Variants in TMCO5A observed in about 807,000 individuals in gnomAD.
TMCO5A encodes the protein transmembrane and coiled-coil domains 5A, also known as transmembrane and coiled-coil domain-containing protein 5A.
In TMCO5A, 34 loss-of-function variants were observed where a neutral mutation model predicts 42.3. That is an observed-to-expected ratio of 0.80 (90% CI 0.61 to 1.07). The LOEUF (loss-of-function observed/expected upper bound fraction) is 1.07, where lower values mean the gene tolerates loss of function less well. Ranked by LOEUF, TMCO5A falls within the 50% of genes least tolerant of loss-of-function variation. The pLI, the probability that TMCO5A is intolerant of heterozygous loss-of-function variation, is 0.00. For synonymous variants in TMCO5A, 131 were observed against 115.6 expected, an observed-to-expected ratio of 1.13 and a Z score of -0.86; for missense variants, 357 against 327.9, an observed-to-expected ratio of 1.09 and a Z score of -0.69.
the TMCO5A span, among the ~76,000 whole-genome samples, chr15:38,032,836 C>A: frequency 3.3e-5 from 5 of 151,844 alleles, no homozygotes; most frequent in Non-Finnish European, 7.4e-5. Flanking sequence ...TTTTTCTTTT[C>A]TCTCTCTGAG....
chr15:38,025,736 C>T, the TMCO5A span, among the ~76,000 whole-genome samples: 1 of 152,146 alleles, frequency 6.6e-6, no homozygotes, highest in Non-Finnish European at 1.5e-5. Context: ...ATAATTTCCA[C>T]ATGTCCCCAT....
intron 10 of TMCO5A, among the ~76,000 whole-genome samples, chr15:37,945,522 A>G (rs1235423598): frequency 6.6e-6 from 1 of 152,016 alleles, no homozygotes. Flanking sequence ...TTTCTCTGCA[A>G]CCTCACCAGC....
the TMCO5A span, among the ~76,000 whole-genome samples, chr15:37,992,384 A>T: frequency 1.3e-5 from 2 of 152,184 alleles, no homozygotes; most frequent in African/African-American, 4.8e-5. Flanking sequence ...ACAGGAACTT[A>T]TACACTGTTG....
chr15:37,972,411 C>T (rs533930672), downstream of TMCO5A, among the ~76,000 whole-genome samples: 9 of 152,232 alleles, frequency 5.9e-5, no homozygotes, highest in East Asian at 3.9e-4. Context: ...ACAATGTATA[C>T]GCATTTTCTT....
At chr15:38,014,625 G>T in the TMCO5A span, among the ~76,000 whole-genome samples, 8 of 151,918 alleles carry the variant, frequency 5.3e-5, no homozygotes, top group Admixed American at 5.2e-4. Flanking sequence ...CATTCAGTGC[G>T]TGTGTGCACA....
chr15:38,025,589 G>T, the TMCO5A span, among the ~76,000 whole-genome samples: 1 of 152,084 alleles, frequency 6.6e-6, no homozygotes, highest in Non-Finnish European at 1.5e-5. Flanking sequence ...TTTAAAATCA[G>T]ATAAAATACA....
the TMCO5A span, among the ~76,000 whole-genome samples, chr15:38,021,032 A>C: frequency 0.015 from 2,232 of 152,256 alleles, 57 homozygotes; most frequent in African/African-American, 0.051. Flanking sequence ...ACAAATTTGC[A>C]TTCCGGGTAT....
chr15:38,027,534 G>A, the TMCO5A span, among the ~76,000 whole-genome samples: 1 of 152,106 alleles, frequency 6.6e-6, no homozygotes, highest in East Asian at 1.9e-4. Context: ...ATGAGACTTT[G>A]GACTGTGGGC....
chr15:37,970,739 A>G (rs911281423), downstream of TMCO5A, among the ~76,000 whole-genome samples: 12 of 152,208 alleles, frequency 7.9e-5, no homozygotes, highest in African/African-American at 2.9e-4. Flanking sequence ...ACCAAAACAA[A>G]GGGGCTACAG....
downstream of TMCO5A, among the ~76,000 whole-genome samples, chr15:37,953,120 C>T (rs1209362764): frequency 1.3e-5 from 2 of 152,186 alleles, no homozygotes; most frequent in African/African-American, 2.4e-5. Context: ...TCTGGACATG[C>T]ACAGGGCCAG....
chr15:38,021,812 CTTT>C, the TMCO5A span, among the ~76,000 whole-genome samples: 3 of 136,258 alleles, frequency 2.2e-5, no homozygotes, highest in Non-Finnish European at 1.6e-5. Context: ...TCGACAGTTT[CTTT>C]TTTTTTTTTT....
the TMCO5A span, among the ~76,000 whole-genome samples, chr15:38,006,681 T>A: frequency 6.6e-6 from 1 of 152,140 alleles, no homozygotes; most frequent in African/African-American, 2.4e-5. Flanking sequence ...TAAAATAAAA[T>A]CCCTATGCAC....
Position 37,936,935 on chromosome 15 carries a change from G to A in TMCO5A, c.229G>A (p.Ala77Thr), listed in dbSNP as rs1409523329. Residue 77 changes from alanine (A) to threonine (T), a missense_variant, in exon 4 of 12, where the codon GCC becomes ACC. Transcript: ENST00000319669. ...ENRTTMERER[A>T]LQELEEETAR... ...CCGCACCACGATGGAAAGGGAAAGA[G>A]CCTTGCAGGAGCTGGAGGAAGAAAC... 4 of 1,612,614 alleles carry A rather than the reference G, an allele frequency of 2.5e-6. No individual in the cohort carries two copies. The highest frequency in any genetic ancestry group is 2.2e-5 in the South Asian group (2 of 91,052).
At chr15:38,036,526 A>T in the TMCO5A span, among the ~76,000 whole-genome samples, 4 of 145,046 alleles carry the variant, frequency 2.8e-5, no homozygotes, top group Non-Finnish European at 6.0e-5. Context: ...ACACACACAC[A>T]CTCTACACAC....
At chr15:38,017,928 G>A in the TMCO5A span, among the ~76,000 whole-genome samples, 2 of 152,096 alleles carry the variant, frequency 1.3e-5, no homozygotes, top group Non-Finnish European at 2.9e-5. Flanking sequence ...GAAAGCGTGT[G>A]GCACTTCCCC....
intron 11 of TMCO5A, among the ~76,000 whole-genome samples, chr15:37,960,702 G>T (rs1386511937): frequency 6.6e-6 from 1 of 151,670 alleles, no homozygotes; most frequent in Non-Finnish European, 1.5e-5. Flanking sequence ...ACTGGTTTTT[G>T]ATTTTTTGAT....
chr15:37,987,604 T>C, the TMCO5A span, among the ~76,000 whole-genome samples: 1 of 152,006 alleles, frequency 6.6e-6, no homozygotes, highest in Non-Finnish European at 1.5e-5. Context: ...TACCCAGGAC[T>C]GTATGGTGAA....
At chr15:38,021,037 G>T in the TMCO5A span, among the ~76,000 whole-genome samples, 1 of 152,012 alleles carries the variant, frequency 6.6e-6, no homozygotes, top group African/African-American at 2.4e-5. Context: ...TTTGCATTCC[G>T]GGTATTTAAA....
chr15:37,965,497 G>T (rs567824390), intron 11 of TMCO5A, among the ~76,000 whole-genome samples: 22 of 152,228 alleles, frequency 1.4e-4, no homozygotes, highest in Admixed American at 3.9e-4. Context: ...GAAAATATTT[G>T]CAAACTACTC....
Sources: gnomAD v4.1 joint callset for allele counts (sites outside exome capture counted in the v4.1 genomes callset) on GRCh38, gnomAD v4.1.1 for gene constraint, MANE v1.5 for transcripts, NCBI Gene and HGNC (gene_info 2026-07-23, HGNC 2026-07-21) for gene names.